The following COL24A1 variants were observed in gnomAD, a reference collection of about 807,000 sequenced individuals.
COL24A1 encodes the protein collagen type XXIV alpha 1 chain.
In COL24A1, 224 loss-of-function variants were observed where a neutral mutation model predicts 253.9. The observed-to-expected ratio is 0.88, with a 90% CI of 0.79 to 0.99. The LOEUF is 0.99. COL24A1 is among the 50% of genes least tolerant of loss of function. COL24A1 has a pLI of 0.00. For synonymous variants in COL24A1, 685 were observed against 673.7 expected, an observed-to-expected ratio of 1.02 and a Z score of -0.26; for missense variants, 2,131 against 2,068.5, an observed-to-expected ratio of 1.03 and a Z score of -0.59.
At chr1:85,783,464 A>G (rs746230649) in intron 51 of COL24A1, 32 bp downstream of exon 51, 2 of 1,602,100 alleles carry the variant, frequency 1.2e-6, no homozygotes, top group Non-Finnish European at 1.7e-6. Context: ...AAGAACCACA[A>G]TTTCTGGTAG....
At chr1:86,105,465 G>C (rs1422762168) in intron 5 of COL24A1, among the ~76,000 whole-genome samples, 1 of 152,186 alleles carries the variant, frequency 6.6e-6, no homozygotes, top group Non-Finnish European at 1.5e-5. Flanking sequence ...CCCCAGTCTG[G>C]CTGCATCTGT....
chr1:86,067,001 TG>T (rs1701542127), intron 7 of COL24A1, among the ~76,000 whole-genome samples: 1 of 151,968 alleles, frequency 6.6e-6, no homozygotes. Flanking sequence ...TAGCCAGGTG[TG>T]GTGGCGTTTT....
At chr1:86,097,348 ATTG>A (rs1442392534) in intron 5 of COL24A1, among the ~76,000 whole-genome samples, 7 of 149,774 alleles carry the variant, frequency 4.7e-5, no homozygotes, top group Non-Finnish European at 7.5e-5. Flanking sequence ...TTGTTATTGT[ATTG>A]TTGTTGTTGT....
At chr1:85,830,239 G>T (rs1675024608) in intron 43 of COL24A1, among the ~76,000 whole-genome samples, 1 of 152,092 alleles carries the variant, frequency 6.6e-6, no homozygotes, top group East Asian at 1.9e-4. Flanking sequence ...CTGCTCGGGG[G>T]TCAGGGGTCA....
chr1:85,851,118 G>C (rs1677723908), intron 37 of COL24A1, among the ~76,000 whole-genome samples: 1 of 151,036 alleles, frequency 6.6e-6, no homozygotes, highest in Non-Finnish European at 1.5e-5. Flanking sequence ...TCATTGTCTT[G>C]AATTTTATTG....
intron 20 of COL24A1, 144 bp downstream of exon 20, chr1:85,987,457 C>T (rs2100922058): frequency 2.7e-6 from 2 of 734,692 alleles, no homozygotes; most frequent in East Asian, 5.6e-5. Context: ...CTATCTGAAA[C>T]CTAAAGTTTA....
intron 19 of COL24A1, among the ~76,000 whole-genome samples, chr1:85,996,959 T>A (rs1426267339): frequency 6.6e-6 from 1 of 151,578 alleles, no homozygotes; most frequent in Non-Finnish European, 1.5e-5. Flanking sequence ...GGTCACTCTA[T>A]GTTGTTTCAC....
chr1:85,991,223 T>C (rs1404700449), intron 19 of COL24A1, among the ~76,000 whole-genome samples: 2 of 152,130 alleles, frequency 1.3e-5, no homozygotes, highest in Admixed American at 6.6e-5. Context: ...AACTACACCA[T>C]GAGACTATAA....
chr1:86,049,243 A>G (rs745458232), intron 11 of COL24A1, among the ~76,000 whole-genome samples: 28 of 152,368 alleles, frequency 1.8e-4, no homozygotes, highest in Non-Finnish European at 3.4e-4. Context: ...TCATTACAGC[A>G]TATTTAAACT....
At chr1:85,737,705 A>T (rs560901149) in intron 57 of COL24A1, among the ~76,000 whole-genome samples, 200 bp from the exon 58 acceptor site, 13 of 152,076 alleles carry the variant, frequency 8.5e-5, no homozygotes, top group Non-Finnish European at 1.9e-4. Flanking sequence ...CTGGGATTAC[A>T]GGAATGGGCC....
intron 43 of COL24A1, among the ~76,000 whole-genome samples, chr1:85,835,424 C>T (rs1675893572): frequency 6.6e-6 from 1 of 152,026 alleles, no homozygotes; most frequent in Admixed American, 6.6e-5. Context: ...GCCACTGCAC[C>T]CGGCCCAGAG....
At chr1:85,842,276 T>C (rs1363327401) in intron 40 of COL24A1, 64 bp downstream of exon 40, 1 of 1,361,042 alleles carries the variant, frequency 7.3e-7, no homozygotes, top group Non-Finnish European at 1.0e-6. Flanking sequence ...TTTGAATATT[T>C]GGGATATCAT....
chr1:86,076,068 A>C (rs1413441064), intron 7 of COL24A1, among the ~76,000 whole-genome samples: 1 of 152,220 alleles, frequency 6.6e-6, no homozygotes, highest in African/African-American at 2.4e-5. Context: ...AGAAAGAAAT[A>C]AAGCATAATC....
intron 25 of COL24A1, among the ~76,000 whole-genome samples, chr1:85,910,977 T>G (rs1308394863): frequency 1.3e-5 from 2 of 151,384 alleles, no homozygotes; most frequent in Admixed American, 1.3e-4. Context: ...TTCAAGAAAA[T>G]AGTAAGAATG....
chr1:85,851,827 A>G (rs192573390), intron 37 of COL24A1, among the ~76,000 whole-genome samples: 38 of 152,262 alleles, frequency 2.5e-4, no homozygotes, highest in Non-Finnish European at 1.3e-4. Flanking sequence ...TTCATTCCAT[A>G]TATCACAAAT....
chr1:85,849,534 C>T, intron 37 of COL24A1, 128 bp from the exon 38 acceptor site: 1 of 718,390 alleles, frequency 1.4e-6, no homozygotes, highest in Non-Finnish European at 2.4e-6. Flanking sequence ...TTAATTTTCA[C>T]ATTATTAGGT....
chr1:85,835,175 A>G (rs1168805237), intron 43 of COL24A1, among the ~76,000 whole-genome samples: 1 of 150,602 alleles, frequency 6.6e-6, no homozygotes, highest in East Asian at 1.9e-4. Context: ...GCTGGAGTGC[A>G]GTGGCATGAT....
intron 8 of COL24A1, among the ~76,000 whole-genome samples, chr1:86,061,396 C>T (rs891525122): frequency 1.1e-4 from 16 of 152,064 alleles, no homozygotes; most frequent in Non-Finnish European, 2.1e-4. Context: ...ATCTATCTGG[C>T]TAATGAAAAC....
chr1:86,135,993 C>T (rs187745078), intron 2 of COL24A1, among the ~76,000 whole-genome samples: 10 of 152,160 alleles, frequency 6.6e-5, no homozygotes, highest in African/African-American at 2.2e-4. Flanking sequence ...GGCTCTGCTC[C>T]GGTACTACCA....
Sources: allele counts gnomAD v4.1 joint callset (sites outside exome capture counted in the v4.1 genomes callset), GRCh38; gene constraint gnomAD v4.1.1; transcripts MANE v1.5; gene names NCBI Gene and HGNC (gene_info 2026-07-23, HGNC 2026-07-21).